Variants in TECRL observed in about 807,000 individuals in gnomAD.
TECRL encodes trans-2,3-enoyl-CoA reductase like, also known as trans-2,3-enoyl-CoA reductase-like.
TECRL carries 63 observed loss-of-function variants against 52.8 expected under a neutral mutation model. The observed-to-expected ratio is 1.19, with a 90% confidence interval of 0.97 to 1.47. The LOEUF (loss-of-function observed/expected upper bound fraction) is 1.47, where lower values mean the gene tolerates loss of function less well. Among genes scored for constraint, TECRL ranks in the 40% most tolerant of loss-of-function variants. The probability of loss-of-function intolerance (pLI) is 0.00; values close to 1 mark genes in which losing one functional copy is unlikely to be tolerated. For synonymous variants in TECRL, 164 were observed against 141.9 expected, an observed-to-expected ratio of 1.16 and a Z score of -1.10; for missense variants, 482 against 429.6, an observed-to-expected ratio of 1.12 and a Z score of -1.08.
Position 64,376,312 on chromosome 4 carries a change from C to G in TECRL, c.235-1089G>C, listed in dbSNP as rs572496694. Reference sequence around the variant, plus strand: ...AATAAGACAGTTATAAGATTTAAGCCCTAAAAAGTAACAGGTATTTCAATT... The same window carrying G: ...AATAAGACAGTTATAAGATTTAAGCGCTAAAAAGTAACAGGTATTTCAATT... On this transcript the variant is annotated intron_variant, in intron 1 of 11. Coordinates refer to ENST00000381210, the MANE Select transcript of TECRL (RefSeq NM_001010874.5). Among the ~76,000 whole-genome samples, 15 of 151,720 alleles carry G rather than the reference C, an allele frequency of 9.9e-5. No individual in the cohort carries two copies. The South Asian group carries it at 1.5e-3, about 15-fold the overall frequency.
intron 2 of TECRL, among the ~76,000 whole-genome samples, chr4:64,357,462 A>C (rs893076293): frequency 1.3e-5 from 2 of 151,522 alleles, no homozygotes; most frequent in African/African-American, 2.4e-5. Flanking sequence ...TTACAAAATA[A>C]ATGATCGTGG....
intron 1 of TECRL, among the ~76,000 whole-genome samples, chr4:64,377,638 G>A (rs73230496): frequency 0.015 from 2,285 of 152,040 alleles, 72 homozygotes; most frequent in African/African-American, 0.052. Flanking sequence ...AATGATGTTA[G>A]TTAAACCAAG....
intron 1 of TECRL, among the ~76,000 whole-genome samples, chr4:64,402,149 G>A (rs567441838): frequency 2.0e-5 from 3 of 151,956 alleles, no homozygotes; most frequent in Non-Finnish European, 4.4e-5. Flanking sequence ...CTGAACCCAA[G>A]ATAGTTTTAT....
intron 9 of TECRL, among the ~76,000 whole-genome samples, chr4:64,288,495 T>C (rs906406290): frequency 2.0e-5 from 3 of 152,120 alleles, no homozygotes; most frequent in African/African-American, 7.2e-5. Flanking sequence ...CGAAAATATA[T>C]ATATATAAAA....
Position 64,305,251 on chromosome 4 carries a change from C to T in TECRL, c.658-13G>A, listed in dbSNP as rs778115808. 3.3e-5 allele frequency: 53 copies of T among 1,608,858 alleles called. 1 individual carries two copies. The Middle Eastern group carries it at 1.3e-3, about 40-fold the overall frequency. ...AAAAGGCACAACTCTGCAAACAAAA[C>T]AAAACAAAATAAAAGTTAGGAAAAA... On this transcript the variant is annotated splice_polypyrimidine_tract_variant and intron_variant, in intron 6 of 11. Coordinates refer to ENST00000381210, the MANE Select transcript of TECRL (RefSeq NM_001010874.5).
In TECRL at chr4:64,289,737, C is replaced by T; in HGVS notation, c.805G>A (p.Val269Ile). 4 of 1,549,676 alleles carry T rather than the reference C, an allele frequency of 2.6e-6. No homozygotes were observed. Among genetic ancestry groups the T allele is most frequent in the South Asian group, 1.3e-5 (1 of 77,592 alleles). Residue 269 changes from valine (V) to isoleucine (I), a missense_variant, in exon 9 of 12, where the codon GTA becomes ATA. Coordinates refer to ENST00000381210, the MANE Select transcript of TECRL (RefSeq NM_001010874.5). ...GTGTGATTGGGATGAGACAACATTA[C>T]ATTGATGAAATGATTCCCAGCTTCA... ...ICEAGNHFIN[V>I]MLSHPNHTGN...
Position 64,322,742 on chromosome 4 carries a change from AG to A in TECRL, c.381del (p.Ser128ProfsTer10). 6.2e-7 allele frequency: 1 copy of A among 1,612,548 alleles called. No individual in the cohort carries two copies. Among genetic ancestry groups the A allele is most frequent in the South Asian group, 1.1e-5 (1 of 90,870 alleles). Reference protein sequence around the residue: ...DYITIQSIAASSIVTLYATDL... With the variant: ...DYITIQSIAAXSIVTLYATDL... ...TCTGTAGCATACAGTGTGACAATGGAGGAAGCTGCAATACTTTGAATGGTAA... is the reference window on the plus strand; with the variant it reads ...TCTGTAGCATACAGTGTGACAATGGAGAAGCTGCAATACTTTGAATGGTAA... On this transcript the variant is annotated frameshift_variant, in exon 4 of 12. Transcript: ENST00000381210. LOFTEE classifies it high-confidence loss of function.
chr4:64,311,903 G>T (rs1717032440), intron 5 of TECRL, among the ~76,000 whole-genome samples: 1 of 152,132 alleles, frequency 6.6e-6, no homozygotes, highest in African/African-American at 2.4e-5. Context: ...TGAGGGCACA[G>T]CACAGAAAAG....
At chr4:64,393,917 A>C (rs1035490431) in intron 1 of TECRL, among the ~76,000 whole-genome samples, 1 of 152,058 alleles carries the variant, frequency 6.6e-6, no homozygotes, top group African/African-American at 2.4e-5. Context: ...AATGTTACAT[A>C]CATATTTTAA....
intron 4 of TECRL, among the ~76,000 whole-genome samples, chr4:64,318,651 G>C (rs6822440): frequency 0.67 from 101,753 of 151,768 alleles, 35,279 homozygotes; most frequent in Non-Finnish European, 0.76. Flanking sequence ...ATGGAATTCA[G>C]AAATTAAAAA....
intron 2 of TECRL, among the ~76,000 whole-genome samples, chr4:64,349,715 A>G (rs1720248179): frequency 6.6e-6 from 1 of 152,188 alleles, no homozygotes; most frequent in Admixed American, 6.5e-5. Flanking sequence ...AATATATCAC[A>G]TTATGTTGTG....
Position 64,305,246 on chromosome 4 carries a change from C to A in TECRL, c.658-8G>T. The A allele has an allele frequency of 6.2e-7, 1 of 1,606,198 alleles. No individual in the cohort carries two copies. The highest frequency in any genetic ancestry group is 1.1e-5 in the South Asian group (1 of 90,428). The stretch of plus-strand genomic sequence containing the variant: ...CCAGTAAAAGGCACAACTCTGCAAA[C>A]AAAACAAAACAAAATAAAAGTTAGG... On this transcript the variant is annotated splice_region_variant and splice_polypyrimidine_tract_variant and intron_variant, in intron 6 of 11. Coordinates refer to ENST00000381210, the MANE Select transcript of TECRL (RefSeq NM_001010874.5).
At position 64,346,166 on chromosome 4, in the gene TECRL, C is replaced by T. The variant is rs193098056; in HGVS notation, c.287-17610G>A. On this transcript the variant is annotated intron_variant, in intron 2 of 11. Transcript: ENST00000381210. ...TTATGGGAAAAATACTTTCTTGCTA[C>T]GAAATATTCAAAAGTCATCTTTCAA... Among the ~76,000 whole-genome samples, 23 of 152,198 alleles carry T rather than the reference C, an allele frequency of 1.5e-4. No individual in the cohort carries two copies. The East Asian group carries it at 2.7e-3, about 18-fold the overall frequency.
intron 2 of TECRL, among the ~76,000 whole-genome samples, chr4:64,357,902 T>A (rs1402675987): frequency 6.6e-6 from 1 of 151,576 alleles, no homozygotes; most frequent in Non-Finnish European, 1.5e-5. Flanking sequence ...GGAAGAAAAA[T>A]GAAAGCATCC....
chr4:64,370,325 A>C (rs1304512397), intron 2 of TECRL, among the ~76,000 whole-genome samples: 3 of 151,894 alleles, frequency 2.0e-5, no homozygotes, highest in Non-Finnish European at 4.4e-5. Flanking sequence ...TCTCCAAAAA[A>C]AAAGTAGATT....
intron 2 of TECRL, among the ~76,000 whole-genome samples, chr4:64,351,096 C>T (rs1300385156): frequency 3.0e-5 from 4 of 133,012 alleles, no homozygotes; most frequent in Non-Finnish European, 6.7e-5. Context: ...ATAAGTTGAT[C>T]TCATGCAAGT....
At chr4:64,362,387 G>A (rs1474684740) in intron 2 of TECRL, among the ~76,000 whole-genome samples, 1 of 151,660 alleles carries the variant, frequency 6.6e-6, no homozygotes, top group Admixed American at 6.6e-5. Flanking sequence ...CCATCCCCAA[G>A]ACTTACAGTC....
chr4:64,403,786 A>G (rs1724524403), intron 1 of TECRL, among the ~76,000 whole-genome samples: 2 of 150,532 alleles, frequency 1.3e-5, no homozygotes, highest in South Asian at 4.3e-4. Context: ...CTGAGGGGGC[A>G]TGGGGAGGAG....
chr4:64,338,158 C>T (rs909822733), intron 2 of TECRL, among the ~76,000 whole-genome samples: 1 of 152,044 alleles, frequency 6.6e-6, no homozygotes, highest in African/African-American at 2.4e-5. Flanking sequence ...CTTTGACAAA[C>T]CTGACAAAAA....
Sources: gnomAD v4.1 joint callset for allele counts (sites outside exome capture counted in the v4.1 genomes callset) on GRCh38, gnomAD v4.1.1 for gene constraint, MANE v1.5 for transcripts, NCBI Gene and HGNC (gene_info 2026-07-23, HGNC 2026-07-21) for gene names.